TGM2: variants seen among roughly 807,000 people sequenced by gnomAD.
TGM2 encodes transglutaminase 2, also known as protein-glutamine gamma-glutamyltransferase 2.
In TGM2, 53 loss-of-function variants were observed where a neutral mutation model predicts 75.6. The observed-to-expected ratio is 0.70, with a 90% CI of 0.56 to 0.88. The LOEUF (loss-of-function observed/expected upper bound fraction) is 0.88. TGM2 is among the 40% of genes least tolerant of loss of function. The pLI, the probability that TGM2 is intolerant of heterozygous loss-of-function variation, is 0.00. For synonymous variants in TGM2, 374 were observed against 381.1 expected (o/e 0.98, Z 0.22); for missense variants, 842 against 928.5 (o/e 0.91, Z 1.21).
At chr20:38,147,639 C>T (rs1225956742) in intron 5 of TGM2, among the ~76,000 whole-genome samples, 1 of 152,122 alleles carries the variant, frequency 6.6e-6, no homozygotes, top group African/African-American at 2.4e-5. Context: ...CTCCCCTCCC[C>T]TCCCCTCCCC....
chr20:38,151,142 C>T, intron 3 of TGM2, 85 bp from the exon 4 acceptor site: 1 of 984,942 alleles, frequency 1.0e-6, no homozygotes, highest in South Asian at 1.3e-5. Flanking sequence ...GTGCCAATTC[C>T]CTAGGCCAAG....
Position 38,131,241 on chromosome 20 carries a change from C to A in TGM2, c.1777-12G>T. 6.2e-7 allele frequency: 1 copy of A among 1,613,520 alleles called. No homozygotes were observed. The highest frequency in any genetic ancestry group is 1.1e-5 in the South Asian group (1 of 91,072). ...GGCTCCCCAAGGATCTGGAAGAGGGCATGGGGCAGATGTCAAGGGCAGGTG... is the reference window on the plus strand; with the variant it reads ...GGCTCCCCAAGGATCTGGAAGAGGGAATGGGGCAGATGTCAAGGGCAGGTG... On this transcript the variant is annotated splice_polypyrimidine_tract_variant and intron_variant, in intron 11 of 12. Coordinates refer to ENST00000361475, the MANE Select transcript of TGM2 (RefSeq NM_004613.4).
intron 6 of TGM2, among the ~76,000 whole-genome samples, chr20:38,143,007 G>C (rs1465840869): frequency 6.6e-6 from 1 of 152,232 alleles, no homozygotes; most frequent in Non-Finnish European, 1.5e-5. Flanking sequence ...CATCCTTCCA[G>C]TGTACAGGCA....
intron 10 of TGM2, among the ~76,000 whole-genome samples, chr20:38,135,051 C>T (rs2074882018): frequency 6.6e-6 from 1 of 152,226 alleles, no homozygotes; most frequent in Non-Finnish European, 1.5e-5. Context: ...GGACCTGCTG[C>T]TCACCCTCTG....
In TGM2 at chr20:38,131,157, G is replaced by A; in HGVS notation, c.1849C>T (p.Leu617=). Residue 617 remains leucine, a synonymous_variant, in exon 12 of 13, where the codon CTG becomes TTG. Coordinates refer to ENST00000361475, the MANE Select transcript of TGM2 (RefSeq NM_004613.4). ...TCCACAGTGAAGGTGCAGCCTTCCAGGGCCACAGGGAGCGGGTTCTGCAGG... is the reference window on the plus strand; with the variant it reads ...TCCACAGTGAAGGTGCAGCCTTCCAAGGCCACAGGGAGCGGGTTCTGCAGG... ...VSLQNPLPVA[L]EGCTFTVEGA... is the part of the protein sequence containing the mutation. 6.2e-7 allele frequency: 1 copy of A among 1,613,826 alleles called. No homozygotes were observed. Among genetic ancestry groups the A allele is most frequent in the East Asian group, 2.2e-5 (1 of 44,884 alleles).
chr20:38,148,477 C>T (rs749717384), intron 4 of TGM2, among the ~76,000 whole-genome samples: 17 of 152,272 alleles, frequency 1.1e-4, no homozygotes, highest in Non-Finnish European at 2.2e-4. Flanking sequence ...TTCCCCAAGG[C>T]GTGACCCACC....
Position 38,141,379 on chromosome 20 carries a change from G to C in TGM2, c.1002C>G (p.Phe334Leu). ...QGDKSEMIWN[F>L]HCWVESWMTR... ...TCATCCACGACTCCACCCAGCAGTG[G>C]AAGTTCCTGAGGGGGATAGGGGGGC... The change falls in exon 8 of 13, where the codon TTC (phenylalanine) becomes TTG (leucine). Residue 334 changes from phenylalanine (F) to leucine (L), a missense_variant. Physicochemically the swap from Phe to Leu is conservative, Grantham distance 22 (BLOSUM62 0). Transcript: ENST00000361475. 1 of 1,579,464 alleles carries C rather than the reference G, an allele frequency of 6.3e-7. No homozygotes were observed. The highest frequency in any genetic ancestry group is 8.6e-7 in the Non-Finnish European group (1 of 1,162,066).
At position 38,161,536 on chromosome 20, in the gene TGM2, T is replaced by C; in HGVS notation, c.74A>G (p.Asp25Gly). 2 of 1,614,114 alleles carry C rather than the reference T, an allele frequency of 1.2e-6. No individual in the cohort carries two copies. Among genetic ancestry groups the C allele is most frequent in the Non-Finnish European group, 1.7e-6 (2 of 1,180,006 alleles). Residue 25 changes from aspartate to glycine, a missense_variant, in exon 2 of 13, where the codon GAC (aspartate) becomes GGC (glycine). Physicochemically the swap from Asp to Gly is moderately conservative, Grantham distance 94 (BLOSUM62 -1). Transcript: ENST00000361475. ...CACCACCAGCTTCTCCCGGCACAGG[T>C]CGGCCGTGTGGTGGTCTCGGCCATT... ...ETNGRDHHTADLCREKLVVRR... is the reference protein window; with the variant it reads ...ETNGRDHHTAGLCREKLVVRR...
At position 38,130,167 on chromosome 20, in the gene TGM2, T is replaced by C; in HGVS notation, c.*52A>G. The C allele has an allele frequency of 2.5e-6, 4 of 1,609,430 alleles. No homozygotes were observed. Among genetic ancestry groups the C allele is most frequent in the Non-Finnish European group, 2.5e-6 (3 of 1,178,570 alleles). On this transcript the variant is annotated 3_prime_UTR_variant, in exon 13 of 13. Coordinates refer to ENST00000361475, the MANE Select transcript of TGM2 (RefSeq NM_004613.4). ...GCATATTTTGCTCACTAGCTTGGGATAAGGATTGGGATCAAGGTGGGGGCT... is the reference window on the plus strand; with the variant it reads ...GCATATTTTGCTCACTAGCTTGGGACAAGGATTGGGATCAAGGTGGGGGCT...
At chr20:38,146,311 C>G in intron 6 of TGM2, 2 of 326,840 alleles carry the variant, frequency 6.1e-6, no homozygotes, top group Non-Finnish European at 1.2e-5. Context: ...ATGTCACACC[C>G]ACTCTAGGAG....
chr20:38,132,953 C>A, intron 10 of TGM2: 1 of 434,304 alleles, frequency 2.3e-6, no homozygotes, highest in Non-Finnish European at 4.7e-6. Flanking sequence ...CTGCTTGCTG[C>A]ACCAGGCACT....
Position 38,142,137 on chromosome 20 carries a change from T to C in TGM2, c.922A>G (p.Asn308Asp). ...VTNYNSAHDQ[N>D]SNLLIEYFRN... Reference sequence around the variant, plus strand: ...AAGTACTCGATGAGAAGGTTGCTGTTCTGGTCATGGGCCGAGTTGTAGTTG... The same window carrying C: ...AAGTACTCGATGAGAAGGTTGCTGTCCTGGTCATGGGCCGAGTTGTAGTTG... Residue 308 changes from asparagine to aspartate, a missense_variant, in exon 7 of 13, where the codon AAC becomes GAC. By Grantham distance (23) the Asn-to-Asp change is conservative (BLOSUM62 1). Coordinates refer to ENST00000361475, the MANE Select transcript of TGM2 (RefSeq NM_004613.4). The C allele has an allele frequency of 6.2e-7, 1 of 1,614,168 alleles. No homozygotes were observed. The highest frequency in any genetic ancestry group is 1.1e-5 in the South Asian group (1 of 91,084).
At chr20:38,156,763 G>A (rs1207208921) in intron 2 of TGM2, among the ~76,000 whole-genome samples, 2 of 152,172 alleles carry the variant, frequency 1.3e-5, no homozygotes, top group Non-Finnish European at 2.9e-5. Flanking sequence ...ACTTCATGAA[G>A]CACCTGCTTC....
chr20:38,137,231 T>C (rs45598043), intron 10 of TGM2, among the ~76,000 whole-genome samples: 1,700 of 152,246 alleles, frequency 0.011, 32 homozygotes, highest in African/African-American at 0.038. Flanking sequence ...ACACCTATAA[T>C]CCCAGCACTT....
chr20:38,167,565 C>T (rs189702800), upstream of TGM2, among the ~76,000 whole-genome samples: 289 of 152,282 alleles, frequency 1.9e-3, 1 homozygote, highest in African/African-American at 6.4e-3. Flanking sequence ...TCTCAAACTC[C>T]TGAGCTCTAG....
rs1433350610 is a variant in TGM2, at chr20:38,138,294, A to G, written c.1434T>C (p.Arg478=). The G allele has an allele frequency of 5.6e-6, 9 of 1,614,168 alleles. No individual in the cohort carries two copies. The highest frequency in any genetic ancestry group is 7.6e-6 in the Non-Finnish European group (9 of 1,180,022). ...TGCCCATGTTCATGCTCTGGCCCAC[A>G]CGGATCCGCATGGCCATCCCTGTCT... The part of the protein sequence containing the change: ...KEETGMAMRI[R]VGQSMNMGSD... The change falls in exon 10 of 13, where the codon CGT becomes CGC. Residue 478 remains arginine, a synonymous_variant. Transcript: ENST00000361475.
In TGM2 at chr20:38,130,011, A is replaced by T. The variant is rs1449574161; in HGVS notation, c.*208T>A. The T allele has an allele frequency of 1.5e-6, 1 of 649,360 alleles. No homozygotes were observed. Among genetic ancestry groups the T allele is most frequent in the Non-Finnish European group, 2.6e-6 (1 of 381,848 alleles). The allele number at this position is 649,360 out of a possible 1,614,324, so 40.2% of individuals were successfully genotyped here. A position where few individuals can be genotyped will look rare whatever the true frequency, so the allele number is the denominator to read the frequency against. On this transcript the variant is annotated 3_prime_UTR_variant, in exon 13 of 13. Coordinates refer to ENST00000361475, the MANE Select transcript of TGM2 (RefSeq NM_004613.4). ...GCTCCCACTGTTTCTGGCACAGAGC[A>T]TTCCTCACAGCAAAGGGGGTGAGTG...
Position 38,161,452 on chromosome 20 carries a change from C to T in TGM2, c.158G>A (p.Ser53Asn), listed in dbSNP as rs1389420418. 1.2e-6 allele frequency: 2 copies of T among 1,614,212 alleles called. No individual in the cohort carries two copies. Among genetic ancestry groups the T allele is most frequent in the Admixed American group, 1.7e-5 (1 of 60,028 alleles). Residue 53 changes from serine to asparagine, a missense_variant, in exon 2 of 13, where the codon AGT becomes AAT. By Grantham distance (46) the Ser-to-Asn change is conservative (BLOSUM62 1). Transcript: ENST00000361475. ...LHFEGRNYEA[S>N]VDSLTFSVVT... ...GACACTGAAGGTGAGACTGTCTACA[C>T]TGGCCTCGTAGTTGCGGCCCTCAAA...
intron 4 of TGM2, among the ~76,000 whole-genome samples, chr20:38,148,425 T>C (rs536852267): frequency 6.6e-6 from 1 of 152,312 alleles, no homozygotes; most frequent in Admixed American, 6.5e-5. Context: ...CCTTGGGCCC[T>C]GTCACTGTCC....
Sources: gnomAD v4.1 joint callset for allele counts (sites outside exome capture counted in the v4.1 genomes callset) on GRCh38, gnomAD v4.1.1 for gene constraint, MANE v1.5 for transcripts, NCBI Gene and HGNC (gene_info 2026-07-23, HGNC 2026-07-21) for gene names.